Variants in FAT3 observed in about 807,000 individuals in gnomAD.
The protein encoded by FAT3 is protocadherin Fat 3.
A neutral mutation model predicts 310.2 loss-of-function variants in FAT3; 95 were observed. The observed-to-expected ratio is 0.31, with a 90% CI of 0.26 to 0.36. The LOEUF (loss-of-function observed/expected upper bound fraction) is 0.36. Ranked by LOEUF, FAT3 falls within the 10% of genes least tolerant of loss-of-function variation. The pLI is 1.00. For synonymous variants in FAT3, 2,314 were observed against 2,192.9 expected, an observed-to-expected ratio of 1.06 and a Z score of -1.54; for missense variants, 5,408 against 5,715.6, an observed-to-expected ratio of 0.95 and a Z score of 1.74.
chr11:92,322,947 C>G (rs1487101534), intron 1 of FAT3, among the ~76,000 whole-genome samples: 2 of 151,674 alleles, frequency 1.3e-5, no homozygotes, highest in Admixed American at 1.3e-4. Context: ...AATCACAAAT[C>G]ATCTTAATGA....
intron 2 of FAT3, among the ~76,000 whole-genome samples, chr11:92,435,963 G>A (rs748842688): frequency 4.6e-5 from 7 of 152,080 alleles, no homozygotes; most frequent in Non-Finnish European, 1.0e-4. Context: ...CATCCATGTG[G>A]CCAATTAGTT....
chr11:92,874,334 A>G (rs1949472445), intron 22 of FAT3, among the ~76,000 whole-genome samples: 1 of 152,190 alleles, frequency 6.6e-6, no homozygotes, highest in Admixed American at 6.5e-5. Context: ...TTATTATTTA[A>G]TGATGATTGG....
At chr11:92,285,176 T>C (rs1250727088) in intron 1 of FAT3, among the ~76,000 whole-genome samples, 1 of 152,144 alleles carries the variant, frequency 6.6e-6, no homozygotes, top group East Asian at 1.9e-4. Flanking sequence ...ACTGATGTCT[T>C]CCATTTTTAA....
intron 4 of FAT3, among the ~76,000 whole-genome samples, chr11:92,738,434 C>T (rs1945413206): frequency 6.6e-6 from 1 of 152,178 alleles, no homozygotes; most frequent in Non-Finnish European, 1.5e-5. Flanking sequence ...CTCGCTTCCG[C>T]ATCCCTTTGT....
chr11:92,235,317 C>T (rs1864373424), intron 1 of FAT3, among the ~76,000 whole-genome samples: 1 of 152,168 alleles, frequency 6.6e-6, no homozygotes, highest in East Asian at 1.9e-4. Context: ...GGTTGCAGCT[C>T]CATGCCGTCC....
chr11:92,870,115 C>T (rs1361546393), intron 22 of FAT3, among the ~76,000 whole-genome samples: 1 of 152,190 alleles, frequency 6.6e-6, no homozygotes, highest in Non-Finnish European at 1.5e-5. Context: ...GAGTATTGGT[C>T]ATCGGTTCTC....
intron 7 of FAT3, among the ~76,000 whole-genome samples, chr11:92,781,075 CT>C (rs10649331): frequency 1.3e-3 from 159 of 121,950 alleles, no homozygotes; most frequent in East Asian, 2.4e-3. Context: ...TTTCTTTATT[CT>C]TTTTTTTTTT....
At chr11:92,388,761 G>A (rs1409373155) in intron 2 of FAT3, among the ~76,000 whole-genome samples, 2 of 152,114 alleles carry the variant, frequency 1.3e-5, no homozygotes, top group Non-Finnish European at 2.9e-5. Context: ...ATCCAAAATA[G>A]TATGGAGATT....
In FAT3 at chr11:92,866,952, A is replaced by C. The variant is rs1949263313; in HGVS notation, c.11870A>C (p.Tyr3957Ser). ...ACGCTGAGCACTGAGAGTAGCATCT[A>C]CTTCGGCGCCCTGGTGCAAGCGGAT... ...FQTLSTESSI[Y>S]FGALVQADNI... Residue 3957 changes from tyrosine (Y) to serine (S), a missense_variant, in exon 22 of 28, where the codon TAC (tyrosine) becomes TCC (serine). By Grantham distance (144) the Tyr-to-Ser change is moderately radical. This residue lies in a region of FAT3 where 4,588 missense variants were observed against 4,809.8 expected (regional missense o/e 0.95). Coordinates refer to ENST00000525166, the MANE Select transcript of FAT3 (RefSeq NM_001367949.2). 1 of 1,613,368 alleles carries C rather than the reference A, an allele frequency of 6.2e-7. No individual in the cohort carries two copies. Among genetic ancestry groups the C allele is most frequent in the Non-Finnish European group, 8.5e-7 (1 of 1,179,706 alleles).
In FAT3 at chr11:92,487,792, A is replaced by G. The variant is rs545236852; in HGVS notation, c.3293-36842A>G. Reference sequence around the variant, plus strand: ...CCCAGTTCTTATGACCCTACCTTCTAATTCTCTCTCAAATCCATAGTCTGG... The same window carrying G: ...CCCAGTTCTTATGACCCTACCTTCTGATTCTCTCTCAAATCCATAGTCTGG... On this transcript the variant is annotated intron_variant, in intron 2 of 27. Transcript: ENST00000525166. Among the ~76,000 whole-genome samples the G allele has an allele frequency of 4.6e-5, 7 of 152,238 alleles. No individual in the cohort carries two copies. In the South Asian group the frequency reaches 8.3e-4, roughly 18 times the overall value.
intron 2 of FAT3, among the ~76,000 whole-genome samples, chr11:92,408,620 T>C (rs1950187820): frequency 6.6e-6 from 1 of 152,214 alleles, no homozygotes; most frequent in African/African-American, 2.4e-5. Context: ...TCTTTGCCTG[T>C]TCAGGCTGGG....
At chr11:92,595,877 G>A (rs1346662008) in intron 3 of FAT3, among the ~76,000 whole-genome samples, 1 of 152,154 alleles carries the variant, frequency 6.6e-6, no homozygotes, top group Non-Finnish European at 1.5e-5. Context: ...CCAACCTTCT[G>A]TCGTGCTGTC....
intron 8 of FAT3, among the ~76,000 whole-genome samples, chr11:92,791,568 T>C (rs1947040861): frequency 1.3e-5 from 2 of 152,240 alleles, no homozygotes; most frequent in South Asian, 4.1e-4. Flanking sequence ...ACTTACATAA[T>C]TGAATATTTA....
At chr11:92,522,525 T>C (rs1011771388) in intron 2 of FAT3, among the ~76,000 whole-genome samples, 1 of 152,110 alleles carries the variant, frequency 6.6e-6, no homozygotes, top group African/African-American at 2.4e-5. Flanking sequence ...GCATGGCAGA[T>C]TTCTAAATTC....
intron 1 of FAT3, among the ~76,000 whole-genome samples, chr11:92,348,344 A>G (rs1193661368): frequency 1.3e-5 from 2 of 152,204 alleles, no homozygotes; most frequent in African/African-American, 2.4e-5. Context: ...TAAGAAAACA[A>G]TTCCAGCAAT....
chr11:92,384,459 C>T (rs1173125002), intron 2 of FAT3, among the ~76,000 whole-genome samples: 2 of 152,118 alleles, frequency 1.3e-5, no homozygotes, highest in Non-Finnish European at 2.9e-5. Context: ...GAATTCTGTC[C>T]ATGAGACCAC....
rs541072551 is a variant in FAT3 at position 92,792,859 on chromosome 11, C to T, written c.4704C>T (p.Asn1568=). 7 of 1,613,826 alleles carry T rather than the reference C, an allele frequency of 4.3e-6. No individual in the cohort carries two copies. The highest frequency in any genetic ancestry group is 5.1e-6 in the Non-Finnish European group (6 of 1,179,786). The change falls in exon 9 of 28, where the codon AAC becomes AAT. Residue 1568 remains asparagine (N), a synonymous_variant. Coordinates refer to ENST00000525166, the MANE Select transcript of FAT3 (RefSeq NM_001367949.2). ...DANDHSPYFT[N]PLYEASVFES... is the part of the protein sequence containing the mutation. ...ATGATCACAGTCCTTATTTTACCAACCCACTGTATGAAGCGTCTGTGTTTG... is the reference window on the plus strand; with the variant it reads ...ATGATCACAGTCCTTATTTTACCAATCCACTGTATGAAGCGTCTGTGTTTG...
At chr11:92,808,537 G>A (rs1274835440) in intron 12 of FAT3, among the ~76,000 whole-genome samples, 2 of 152,176 alleles carry the variant, frequency 1.3e-5, no homozygotes, top group African/African-American at 4.8e-5. Context: ...AAAATCCCTG[G>A]ATGCTTTTTG....
chr11:92,442,107 A>ATTTTTTTTTTTT (rs1565320189), intron 2 of FAT3, among the ~76,000 whole-genome samples: 7 of 49,862 alleles, frequency 1.4e-4, no homozygotes, highest in African/African-American at 8.8e-4. Context: ...ATATATATAT[A>ATTTTTTTTTTTT]TATATTTTTT....
Sources: gnomAD v4.1 joint callset for allele counts (sites outside exome capture counted in the v4.1 genomes callset) on GRCh38, gnomAD v4.1.1 for gene constraint, gnomAD v4.1.1 regional missense constraint, MANE v1.5 for transcripts, NCBI Gene and HGNC (gene_info 2026-07-23, HGNC 2026-07-21) for gene names.